SAMD8: variants seen among roughly 807,000 people sequenced by gnomAD.
SAMD8 encodes the protein sterile alpha motif domain containing 8, also known as sphingomyelin synthase-related protein 1.
Under a neutral mutation model 42.0 loss-of-function variants are expected in SAMD8, and 20 were observed. The observed-to-expected ratio is 0.48, with a 90% CI of 0.34 to 0.69. The LOEUF is 0.69. Ranked by LOEUF, SAMD8 falls within the 30% of genes least tolerant of loss-of-function variation. The probability of loss-of-function intolerance (pLI) is 0.01; values close to 1 mark genes in which losing one functional copy is unlikely to be tolerated. For synonymous variants in SAMD8, 162 were observed against 173.0 expected (o/e 0.94, Z 0.50); for missense variants, 328 against 511.6 (o/e 0.64, Z 3.46).
intron 1 of SAMD8, chr10:75,102,089 C>A: frequency 9.0e-6 from 5 of 557,444 alleles, no homozygotes; most frequent in Non-Finnish European, 1.2e-5. Flanking sequence ...AGGCACCTTT[C>A]CCTCCAGGCC....
chr10:75,105,285 GC>G (rs1848424784), intron 1 of SAMD8, among the ~76,000 whole-genome samples: 1 of 152,190 alleles, frequency 6.6e-6, no homozygotes, highest in Non-Finnish European at 1.5e-5. Context: ...GCCCCCACAG[GC>G]TTTCAGCTGA....
chr10:75,132,276 C>A (rs1244192377), intron 1 of SAMD8, among the ~76,000 whole-genome samples: 1 of 152,184 alleles, frequency 6.6e-6, no homozygotes, highest in African/African-American at 2.4e-5. Flanking sequence ...CTACAAGTAG[C>A]GTTCTGATTA....
intron 1 of SAMD8, among the ~76,000 whole-genome samples, chr10:75,133,323 A>G (rs1213621095): frequency 6.6e-6 from 1 of 151,976 alleles, no homozygotes; most frequent in African/African-American, 2.4e-5. Context: ...GAATTGCTTG[A>G]GCCTGACAAG....
At chr10:75,101,633 A>G (rs2134362477) in intron 1 of SAMD8, among the ~76,000 whole-genome samples, 1 of 152,260 alleles carries the variant, frequency 6.6e-6, no homozygotes, top group Admixed American at 6.5e-5. Flanking sequence ...AGACTCAGAG[A>G]GGTTAAGCAA....
chr10:75,167,235 T>G (rs368222971), intron 3 of SAMD8, among the ~76,000 whole-genome samples: 1 of 152,206 alleles, frequency 6.6e-6, no homozygotes, highest in Non-Finnish European at 1.5e-5. Context: ...CGATAGCTAC[T>G]ATCATTAACT....
chr10:75,177,069 T>C lies in SAMD8; in HGVS notation c.*377T>C. 6.0e-6 allele frequency: 1 copy of C among 167,630 alleles called. No individual in the cohort carries two copies. The highest frequency in any genetic ancestry group is 1.7e-4 in the South Asian group (1 of 5,916). 10.4% of individuals were successfully genotyped at this position (167,630 alleles called of 1,614,324 possible). A position where few individuals can be genotyped will look rare whatever the true frequency, so the allele number is the denominator to read the frequency against. ...CAGTAGGGCTCTAGTCAAGAAATAA[T>C]ATGTTTTGAAGCTCCTTATTACCTT... On this transcript the variant is annotated 3_prime_UTR_variant, in exon 6 of 6. Coordinates refer to ENST00000542569, the MANE Select transcript of SAMD8 (RefSeq NM_001174156.2).
intron 2 of SAMD8, among the ~76,000 whole-genome samples, chr10:75,156,300 TTG>T (rs1840408889): frequency 6.6e-6 from 1 of 151,998 alleles, no homozygotes; most frequent in Non-Finnish European, 1.5e-5. Context: ...CAAACAAAAA[TTG>T]TGGGGTGAGA....
Position 75,150,323 on chromosome 10 carries a change from G to A in SAMD8, c.-15-191G>A, listed in dbSNP as rs138379022. The A allele has an allele frequency of 1.7e-5, 5 of 298,858 alleles. No homozygotes were observed. The East Asian group carries it at 5.4e-4, about 32-fold the overall frequency. The allele number at this position is 298,858 out of a possible 1,614,324, so 18.5% of individuals were successfully genotyped here. On this transcript the variant is annotated intron_variant, in intron 1 of 5. Transcript: ENST00000542569. ...TTTGGTAGAGATAGGATCTTGCTAC[G>A]TGGCCCAGGACTGGTCTCGAACTCC...
intron 1 of SAMD8, among the ~76,000 whole-genome samples, chr10:75,124,508 A>T (rs565520033): frequency 3.3e-5 from 5 of 151,900 alleles, no homozygotes; most frequent in South Asian, 4.2e-4. Context: ...AGCTACTTGG[A>T]AGGCTGAGGT....
intron 1 of SAMD8, among the ~76,000 whole-genome samples, chr10:75,132,059 G>C (rs1264825639): frequency 6.6e-6 from 1 of 152,172 alleles, no homozygotes. Flanking sequence ...TTCCTTGGAA[G>C]CCTAGGCAAA....
At chr10:75,125,710 T>C (rs569624103) in intron 1 of SAMD8, 6 of 152,664 alleles carry the variant, frequency 3.9e-5, no homozygotes, top group African/African-American at 1.4e-4. Context: ...TGGGCACCTA[T>C]GTGCTTCCAA....
Position 75,176,544 on chromosome 10 carries a change from C to T in SAMD8, c.1100C>T (p.Ala367Val). 6.4e-7 allele frequency: 1 copy of T among 1,550,536 alleles called. No homozygotes were observed. The highest frequency in any genetic ancestry group is 8.7e-7 in the Non-Finnish European group (1 of 1,146,940). ...CTCTTTTTGTACTACCATACTCTGG[C>T]CAATACCAGAGCATATCAGCAGAGT... Reference protein sequence around the residue: ...TRLFLYYHTLANTRAYQQSRR... With the variant: ...TRLFLYYHTLVNTRAYQQSRR... The change falls in exon 6 of 6, where the codon GCC becomes GTC. Residue 367 changes from alanine to valine, a missense_variant. Physicochemically the swap from Ala to Val is moderately conservative, Grantham distance 64. Around this residue, in one of 2 missense-constraint regions of SAMD8, gnomAD observed 178 missense variants for 325.6 expected, o/e 0.55. Transcript: ENST00000542569. The surrounding 1 kb of genome is among the most constrained non-coding windows in gnomAD (Gnocchi z 4.3).
At chr10:75,157,637 G>A (rs968306546) in intron 2 of SAMD8, among the ~76,000 whole-genome samples, 2 of 152,210 alleles carry the variant, frequency 1.3e-5, no homozygotes, top group Non-Finnish European at 2.9e-5. Context: ...TAGGAGAGTA[G>A]GAGAGTGAAT....
chr10:75,140,533 C>A (rs1432434510), intron 1 of SAMD8, among the ~76,000 whole-genome samples: 1 of 152,172 alleles, frequency 6.6e-6, no homozygotes, highest in African/African-American at 2.4e-5. Flanking sequence ...CCTCAGTGGA[C>A]CTGATCTAAT....
At chr10:75,132,565 A>G (rs973651384) in intron 1 of SAMD8, among the ~76,000 whole-genome samples, 1 of 152,220 alleles carries the variant, frequency 6.6e-6, no homozygotes, top group Non-Finnish European at 1.5e-5. Flanking sequence ...TTTTAAATTT[A>G]TGGATATAAA....
intron 1 of SAMD8, among the ~76,000 whole-genome samples, chr10:75,126,255 A>T (rs1183337239): frequency 6.6e-6 from 1 of 152,074 alleles, no homozygotes; most frequent in Non-Finnish European, 1.5e-5. Context: ...CTCTTTTCCA[A>T]CTCCTTTAAC....
intron 1 of SAMD8, among the ~76,000 whole-genome samples, chr10:75,126,221 G>C (rs1849128926): frequency 6.6e-6 from 1 of 152,020 alleles, no homozygotes; most frequent in South Asian, 2.1e-4. Context: ...ACTCTTTTCT[G>C]ATTTTACCAA....
chr10:75,169,226 C>T (rs1840782678), intron 4 of SAMD8, among the ~76,000 whole-genome samples: 4 of 147,214 alleles, frequency 2.7e-5, no homozygotes, highest in Admixed American at 2.1e-4. Context: ...GTGGCTCATG[C>T]CTGTAATCCC....
At position 75,180,945 on chromosome 10, in the gene SAMD8, T is replaced by C. The variant is rs1178422294; in HGVS notation, c.*4253T>C. 1 of 152,240 alleles carries C rather than the reference T, an allele frequency of 6.6e-6. No homozygotes were observed. The highest frequency in any genetic ancestry group is 1.5e-5 in the Non-Finnish European group (1 of 68,038). 9.4% of individuals were successfully genotyped at this position (152,240 alleles called of 1,614,324 possible). Reference sequence around the variant, plus strand: ...CATAGTAAGCTTTTTTAAAGGATTCTAGATCTAAATTGCCTAAGAATGTTA... The same window carrying C: ...CATAGTAAGCTTTTTTAAAGGATTCCAGATCTAAATTGCCTAAGAATGTTA... On this transcript the variant is annotated 3_prime_UTR_variant, in exon 6 of 6. Transcript: ENST00000542569.
Sources: gnomAD v4.1 joint callset for allele counts (sites outside exome capture counted in the v4.1 genomes callset) on GRCh38, gnomAD v4.1.1 for gene constraint, gnomAD v4.1.1 regional missense constraint, Gnocchi (gnomAD v3.1) non-coding constraint, MANE v1.5 for transcripts, NCBI Gene and HGNC (gene_info 2026-07-23, HGNC 2026-07-21) for gene names.